SETD2: variants seen among roughly 807,000 people sequenced by gnomAD.
The protein encoded by SETD2 is SET domain containing 2, histone lysine methyltransferase, also known as histone-lysine N-methyltransferase SETD2.
A neutral mutation model predicts 242.1 loss-of-function variants in SETD2; 31 were observed. The observed-to-expected ratio is 0.13, with a 90% CI of 0.10 to 0.17. The LOEUF is 0.17. SETD2 is among the 10% of genes least tolerant of loss of function. The pLI is 1.00. For missense variants in SETD2, 2,481 were observed against 3,046.3 expected (o/e 0.81, Z 4.37); for synonymous variants, 1,006 against 1,066.5 (o/e 0.94, Z 1.11).
chr3:47,064,879 G>A (rs938231462), intron 13 of SETD2, among the ~76,000 whole-genome samples: 1 of 151,076 alleles, frequency 6.6e-6, no homozygotes, highest in Non-Finnish European at 1.5e-5. Context: ...TGAGATGAAG[G>A]GTTCTACATG....
At chr3:47,037,286 C>G (rs867594913) in intron 18 of SETD2, among the ~76,000 whole-genome samples, 4 of 120,066 alleles carry the variant, frequency 3.3e-5, no homozygotes, top group African/African-American at 5.9e-5. Flanking sequence ...CCCCCTCCCC[C>G]CCACCCCACA....
At chr3:47,038,804 C>T (rs568474714) in intron 17 of SETD2, among the ~76,000 whole-genome samples, 6 of 152,270 alleles carry the variant, frequency 3.9e-5, no homozygotes, top group Admixed American at 6.5e-5. Flanking sequence ...AGGATATTCA[C>T]GTTCAGGAGT....
chr3:47,142,165 T>C (rs1318879189), intron 1 of SETD2, among the ~76,000 whole-genome samples: 2 of 152,154 alleles, frequency 1.3e-5, no homozygotes, highest in Non-Finnish European at 2.9e-5. Flanking sequence ...TTCAATGTGG[T>C]AGTATGCAGC....
chr3:47,122,481 T>C lies in SETD2; in HGVS notation c.2155A>G (p.Asn719Asp), dbSNP rs115859828. 7.4e-5 allele frequency: 120 copies of C among 1,614,178 alleles called. No individual in the cohort carries two copies. The highest frequency in any genetic ancestry group is 4.7e-4 in the East Asian group (21 of 44,874). Reference sequence around the variant, plus strand: ...CACCTACTAATATTCTGAAATCCATTTGATGAAAGCATGCATGCTTTGACC... The same window carrying C: ...CACCTACTAATATTCTGAAATCCATCTGATGAAAGCATGCATGCTTTGACC... Reference protein sequence around the residue: ...PLVKACMLSSNGFQNISRCKE... With the variant: ...PLVKACMLSSDGFQNISRCKE... The change falls in exon 3 of 21, where the codon AAT (asparagine) becomes GAT (aspartate). Residue 719 changes from asparagine to aspartate, a missense_variant. Around this residue, in one of 17 missense-constraint regions of SETD2, gnomAD observed 1,300 missense variants for 1,259.2 expected, o/e 1.03. Transcript: ENST00000409792.
intron 12 of SETD2, among the ~76,000 whole-genome samples, chr3:47,076,112 T>C (rs1401095728): frequency 6.6e-6 from 1 of 152,066 alleles, no homozygotes; most frequent in South Asian, 2.1e-4. Flanking sequence ...TGTGAGAGCC[T>C]ATACAAAGGG....
At chr3:47,130,770 T>C (rs1309037307) in intron 1 of SETD2, among the ~76,000 whole-genome samples, 1 of 151,264 alleles carries the variant, frequency 6.6e-6, no homozygotes, top group Non-Finnish European at 1.5e-5. Flanking sequence ...AAAAAACTAC[T>C]ACAGAGAAAA....
intron 1 of SETD2, among the ~76,000 whole-genome samples, chr3:47,136,658 A>C (rs2043595395): frequency 6.6e-6 from 1 of 152,128 alleles, no homozygotes; most frequent in African/African-American, 2.4e-5. Context: ...TGGGTTGAAA[A>C]ATTACCTAAT....
In SETD2 at chr3:47,121,902, G is replaced by A. The variant is rs2106663740; in HGVS notation, c.2734C>T (p.Leu912=). The A allele has an allele frequency of 6.2e-7, 1 of 1,613,764 alleles. No individual in the cohort carries two copies. The highest frequency in any genetic ancestry group is 1.1e-5 in the South Asian group (1 of 91,066). The change falls in exon 3 of 21, where the codon CTA becomes TTA. Residue 912 remains leucine, a synonymous_variant. Coordinates refer to ENST00000409792, the MANE Select transcript of SETD2 (RefSeq NM_014159.7). ...AACTCTGAACTTTTTTTACTCTTTA[G>A]CACTGCATCCAGAACTGGAGATGTG... ...ENTSPVLDAV[L]KSKKSSEFLK...
intron 1 of SETD2, chr3:47,145,535 G>A (rs1302719643): frequency 2.4e-6 from 1 of 418,680 alleles, no homozygotes; most frequent in Non-Finnish European, 4.9e-6. Context: ...GACTACAGGT[G>A]CATGCCACCA....
chr3:47,024,269 G>A (rs1201773720), intron 18 of SETD2, among the ~76,000 whole-genome samples: 4 of 151,876 alleles, frequency 2.6e-5, no homozygotes, highest in East Asian at 1.9e-4. Flanking sequence ...TCAGGAGATC[G>A]AGACCAGCCT....
intron 1 of SETD2, among the ~76,000 whole-genome samples, chr3:47,160,761 A>G (rs1697466878): frequency 6.6e-6 from 1 of 152,124 alleles, no homozygotes; most frequent in Admixed American, 6.6e-5. Context: ...CTATCACTGT[A>G]AAGTACTTGC....
At chr3:47,046,822 CT>C in intron 15 of SETD2, 1 of 358,682 alleles carries the variant, frequency 2.8e-6, no homozygotes, top group Non-Finnish European at 4.9e-6. Flanking sequence ...TATTCATTTA[CT>C]TACTTTGATT....
chr3:47,102,196 A>G (rs2042240422), intron 7 of SETD2, among the ~76,000 whole-genome samples: 1 of 152,228 alleles, frequency 6.6e-6, no homozygotes. Context: ...GACAATTTGC[A>G]CATGTTACTA....
intron 16 of SETD2, among the ~76,000 whole-genome samples, chr3:47,045,533 A>T (rs1199100982): frequency 1.3e-5 from 2 of 149,346 alleles, no homozygotes; most frequent in South Asian, 2.1e-4. Flanking sequence ...AAAAAAAAAA[A>T]AAAAAAATAC....
chr3:47,124,047 C>A lies in SETD2; in HGVS notation c.589G>T (p.Ala197Ser). 1 of 1,551,950 alleles carries A rather than the reference C, an allele frequency of 6.4e-7. No homozygotes were observed. Among genetic ancestry groups the A allele is most frequent in the Non-Finnish European group, 8.7e-7 (1 of 1,147,078 alleles). The change falls in exon 3 of 21, where the codon GCC becomes TCC. Residue 197 changes from alanine to serine, a missense_variant. By Grantham distance (99) the Ala-to-Ser change is moderately conservative. Transcript: ENST00000409792. ...PSSPPPPPPP[A>S]QATTLSSPAP... Reference sequence around the variant, plus strand: ...GGTGATGAGAGTGTTGTGGCTTGGGCAGGTGGAGGCGGTGGAGGCGGAGAT... The same window carrying A: ...GGTGATGAGAGTGTTGTGGCTTGGGAAGGTGGAGGCGGTGGAGGCGGAGAT...
At chr3:47,082,770 T>G (rs765668354) in intron 12 of SETD2, among the ~76,000 whole-genome samples, 9 of 152,188 alleles carry the variant, frequency 5.9e-5, no homozygotes, top group Non-Finnish European at 1.2e-4. Flanking sequence ...CACCAACTAC[T>G]CATTTTGCTC....
chr3:47,144,328 T>TA lies in SETD2; in HGVS notation c.72-17666dup, dbSNP rs1275102031. On this transcript the variant is annotated intron_variant, in intron 1 of 20. Transcript: ENST00000409792. ...GGGCAGCACTGTGAGACCCTGTCTC[T>TA]AAAAAAAATTATAAAAATAAATAAG... Among the ~76,000 whole-genome samples, 5 of 151,396 alleles carry TA rather than the reference T, an allele frequency of 3.3e-5. No individual in the cohort carries two copies. In the East Asian group the frequency reaches 5.9e-4, roughly 18 times the overall value.
At chr3:47,144,636 C>T (rs960298240) in intron 1 of SETD2, among the ~76,000 whole-genome samples, 7 of 144,924 alleles carry the variant, frequency 4.8e-5, no homozygotes, top group African/African-American at 1.0e-4. Context: ...AGCGAGACTC[C>T]GTCTCAAAAT....
At chr3:47,069,540 C>T (rs577391050) in intron 12 of SETD2, among the ~76,000 whole-genome samples, 9 of 152,308 alleles carry the variant, frequency 5.9e-5, no homozygotes, top group Admixed American at 5.9e-4. Context: ...ACAGAGAAGG[C>T]TGAGAACTAC....
Sources: allele counts gnomAD v4.1 joint callset (sites outside exome capture counted in the v4.1 genomes callset), GRCh38; gene constraint gnomAD v4.1.1; regional missense constraint gnomAD v4.1.1; transcripts MANE v1.5; gene names NCBI Gene and HGNC (gene_info 2026-07-23, HGNC 2026-07-21).